The following MTOR variants were observed in gnomAD, a reference collection of about 807,000 sequenced individuals.
The protein encoded by MTOR is serine/threonine-protein kinase mTOR.
Under a neutral mutation model 319.8 loss-of-function variants are expected in MTOR, and 70 were observed. The ratio of observed to expected loss-of-function variants is 0.22; its 90% confidence interval spans 0.18 to 0.27. The LOEUF (loss-of-function observed/expected upper bound fraction) is 0.27. Among genes scored for constraint, MTOR ranks in the 10% least tolerant of loss-of-function variants. The pLI is 1.00. For missense variants in MTOR, 1,890 were observed against 3,274.4 expected (o/e 0.58, Z 10.32); for synonymous variants, 1,183 against 1,211.4 (o/e 0.98, Z 0.49).
At position 11,261,281 on chromosome 1, in the gene MTOR, C is replaced by T. The variant is rs924817171; in HGVS notation, c.-15+1164G>A. 4.0e-5 allele frequency among the ~76,000 whole-genome samples: 6 copies of T among 149,208 alleles called. No homozygotes were observed. The East Asian group carries it at 1.2e-3, about 30-fold the overall frequency. ...GAAATCGAGACCATCCTGGCCAACA[C>T]GGTGAAATCCCGCCTCTACTAAAAA... On this transcript the variant is annotated intron_variant, in intron 1 of 57. Coordinates refer to ENST00000361445, the MANE Select transcript of MTOR (RefSeq NM_004958.4).
intron 2 of MTOR, among the ~76,000 whole-genome samples, 154 bp from the exon 3 acceptor site, chr1:11,258,747 G>A (rs965248184): frequency 5.3e-5 from 8 of 152,310 alleles, no homozygotes; most frequent in African/African-American, 1.9e-4. Flanking sequence ...GGATTACACT[G>A]TAGAGTACCT....
intron 17 of MTOR, 82 bp downstream of exon 17, chr1:11,231,218 G>T: frequency 6.3e-7 from 1 of 1,595,132 alleles, no homozygotes; most frequent in South Asian, 1.1e-5. Context: ...GACACTGTCA[G>T]AGCATGTTAA....
intron 18 of MTOR, among the ~76,000 whole-genome samples, chr1:11,230,297 G>T (rs1646974948): frequency 1.3e-5 from 2 of 152,154 alleles, no homozygotes; most frequent in Admixed American, 6.5e-5. Context: ...GTGTGCACCT[G>T]TAGTCCCAGT....
At position 11,114,813 on chromosome 1, in the gene MTOR, C is replaced by T. The variant is rs146446463; in HGVS notation, c.7164G>A (p.Glu2388=). ...CAGCTCGTTCCCGATATCCACTCAC[C>T]TCCATAGCATTGGTCAACATTCTTG... ...RLTRMLTNAM[E]VTGLDGNYRI... is the part of the protein sequence containing the mutation. The change falls in exon 52 of 58, where the codon GAG becomes GAA. Residue 2388 remains glutamate (E), a splice_region_variant and synonymous_variant. Coordinates refer to ENST00000361445, the MANE Select transcript of MTOR (RefSeq NM_004958.4). 4 of 1,614,104 alleles carry T rather than the reference C, an allele frequency of 2.5e-6. No homozygotes were observed. The highest frequency in any genetic ancestry group is 3.3e-5 in the Admixed American group (2 of 60,020).
intron 32 of MTOR, 133 bp downstream of exon 32, chr1:11,146,543 C>G: frequency 1.5e-6 from 1 of 684,672 alleles, no homozygotes; most frequent in Admixed American, 2.4e-5. Flanking sequence ...GAATCAAAAC[C>G]ATTCAAATGT....
intron 24 of MTOR, among the ~76,000 whole-genome samples, chr1:11,210,217 C>T (rs149750713): frequency 5.3e-5 from 8 of 152,342 alleles, no homozygotes; most frequent in African/African-American, 7.2e-5. Context: ...GGCTGGAGTG[C>T]ACTGGTGCAA....
chr1:11,206,652 G>A (rs1646147158), intron 25 of MTOR, among the ~76,000 whole-genome samples: 1 of 152,190 alleles, frequency 6.6e-6, no homozygotes, highest in Non-Finnish European at 1.5e-5. Flanking sequence ...TTATTGACTA[G>A]GCCAAGTCCC....
At chr1:11,213,867 G>C (rs1479095399) in intron 20 of MTOR, among the ~76,000 whole-genome samples, 1 of 152,200 alleles carries the variant, frequency 6.6e-6, no homozygotes, top group Non-Finnish European at 1.5e-5. Flanking sequence ...TGTCTTTCTA[G>C]ACCTGGCTCT....
At chr1:11,176,157 G>A (rs1024608286) in intron 28 of MTOR, among the ~76,000 whole-genome samples, 5 of 152,146 alleles carry the variant, frequency 3.3e-5, no homozygotes, top group African/African-American at 1.2e-4. Flanking sequence ...CGCCTTTCCT[G>A]CCACCTGAAG....
At position 11,196,859 on chromosome 1, in the gene MTOR, A is replaced by AG. The variant is rs1553186646; in HGVS notation, c.4253+2398_4253+2399insC. Among the ~76,000 whole-genome samples the AG allele has an allele frequency of 5.1e-4, 78 of 151,802 alleles. No individual in the cohort carries two copies. In the South Asian group the frequency reaches 6.0e-3, roughly 12 times the overall value. ...GAGCGCGACTCCATCTAAAAAAAAA[A>AG]AAAAGAAAAGAAAAGAAAAGAAATA... is the stretch of plus-strand genomic sequence containing the variant. On this transcript the variant is annotated intron_variant, in intron 28 of 57. Transcript: ENST00000361445.
intron 5 of MTOR, among the ~76,000 whole-genome samples, 164 bp from the exon 6 acceptor site, chr1:11,254,137 C>A (rs1650053678): frequency 6.6e-6 from 1 of 151,946 alleles, no homozygotes; most frequent in Non-Finnish European, 1.5e-5. Context: ...TTATTTAATT[C>A]AGCTTCAATT....
intron 25 of MTOR, among the ~76,000 whole-genome samples, chr1:11,206,173 T>A (rs1646131777): frequency 6.6e-6 from 1 of 152,220 alleles, no homozygotes; most frequent in Non-Finnish European, 1.5e-5. Flanking sequence ...GAACATCCAG[T>A]CCTTTCCTGC....
At chr1:11,256,838 T>G (rs1650463988) in intron 4 of MTOR, 95 bp downstream of exon 4, 1 of 1,255,138 alleles carries the variant, frequency 8.0e-7, no homozygotes, top group Admixed American at 2.1e-5. Context: ...TCTAACCAGC[T>G]TTTTTAAGGA....
At chr1:11,254,039 T>C in intron 5 of MTOR, 66 bp from the exon 6 acceptor site, 1 of 1,571,292 alleles carries the variant, frequency 6.4e-7, no homozygotes. Context: ...TACAGGCCCA[T>C]CCCATCTACA....
chr1:11,237,852 C>A lies in MTOR; in HGVS notation c.2199G>T (p.Met733Ile). ...PAFVMPFLRKMLIQILTELEH... is the reference protein window; with the variant it reads ...PAFVMPFLRKILIQILTELEH... ...CCATCACCTCGGTTACCTGGATGAG[C>A]ATCTTGCGCAGGAAAGGCATGACAA... Residue 733 changes from methionine (M) to isoleucine (I), a missense_variant, in exon 13 of 58, where the codon ATG (methionine) becomes ATT (isoleucine). Met to Ile is a conservative substitution (Grantham distance 10). This residue lies in a region of MTOR where 377 missense variants were observed against 653.9 expected (regional missense o/e 0.58). Transcript: ENST00000361445. The A allele has an allele frequency of 6.2e-7, 1 of 1,613,960 alleles. No individual in the cohort carries two copies. The highest frequency in any genetic ancestry group is 8.5e-7 in the Non-Finnish European group (1 of 1,180,046).
intron 28 of MTOR, among the ~76,000 whole-genome samples, chr1:11,198,658 A>G (rs990807698): frequency 6.6e-6 from 1 of 152,254 alleles, no homozygotes; most frequent in African/African-American, 2.4e-5. Flanking sequence ...CTAATGTTTC[A>G]TGCTGCTTGT....
chr1:11,233,811 G>A (rs1204070965), intron 14 of MTOR, among the ~76,000 whole-genome samples: 5 of 152,124 alleles, frequency 3.3e-5, no homozygotes, highest in Admixed American at 1.3e-4. Flanking sequence ...GAGATTTGAA[G>A]GTTGTTTCAG....
In MTOR at chr1:11,107,320, G is replaced by C; in HGVS notation, c.*165C>G. 6.7e-7 allele frequency: 1 copy of C among 1,500,394 alleles called. No homozygotes were observed. Among genetic ancestry groups the C allele is most frequent in the Non-Finnish European group, 8.9e-7 (1 of 1,127,866 alleles). 92.9% of individuals were successfully genotyped at this position (1,500,394 alleles called of 1,614,324 possible). A position where few individuals can be genotyped will look rare whatever the true frequency, so the allele number is the denominator to read the frequency against. On this transcript the variant is annotated 3_prime_UTR_variant, in exon 58 of 58. Coordinates refer to ENST00000361445, the MANE Select transcript of MTOR (RefSeq NM_004958.4). ...ACAATATATTCTTCAACAGCAGCTA[G>C]AAAGTTGGTTCAAACCAACTTTTAA...
chr1:11,257,564 GAGA>G (rs1450582548), intron 3 of MTOR, among the ~76,000 whole-genome samples: 1 of 36,404 alleles, frequency 2.7e-5, no homozygotes, highest in Non-Finnish European at 5.3e-5. Context: ...CTCTGTCTCA[GAGA>G]AAAAAAAAAA....
Sources: gnomAD v4.1 joint callset for allele counts (sites outside exome capture counted in the v4.1 genomes callset) on GRCh38, gnomAD v4.1.1 for gene constraint, gnomAD v4.1.1 regional missense constraint, MANE v1.5 for transcripts, NCBI Gene and HGNC (gene_info 2026-07-23, HGNC 2026-07-21) for gene names.